The following CROT variants were observed in gnomAD, a reference collection of about 807,000 sequenced individuals.
The protein encoded by CROT is peroxisomal carnitine O-octanoyltransferase.
A neutral mutation model predicts 89.2 loss-of-function variants in CROT; 84 were observed. The ratio of observed to expected loss-of-function variants is 0.94; its 90% CI spans 0.79 to 1.13. CROT has a LOEUF of 1.13. Ranked by LOEUF, CROT falls within the 50% of genes most tolerant of loss-of-function variation. The pLI, the probability that CROT is intolerant of heterozygous loss-of-function variation, is 0.00. For missense variants in CROT, 711 were observed against 727.8 expected, an observed-to-expected ratio of 0.98 and a Z score of 0.27; for synonymous variants, 212 against 239.5, an observed-to-expected ratio of 0.89 and a Z score of 1.06.
intron 3 of CROT, among the ~76,000 whole-genome samples, chr7:87,353,085 T>C (rs549606518): frequency 5.9e-5 from 9 of 152,300 alleles, no homozygotes; most frequent in African/African-American, 2.2e-4. Flanking sequence ...GATTAGTTAA[T>C]AGCACTTGAT....
intron 13 of CROT, among the ~76,000 whole-genome samples, chr7:87,385,438 T>A (rs2116083163): frequency 6.6e-6 from 1 of 152,306 alleles, no homozygotes; most frequent in African/African-American, 2.4e-5. Context: ...AGGTATTTTA[T>A]ATTCTTTGTA....
intron 3 of CROT, among the ~76,000 whole-genome samples, chr7:87,351,641 A>G (rs751222778): frequency 3.9e-5 from 6 of 152,236 alleles, no homozygotes; most frequent in Non-Finnish European, 8.8e-5. Flanking sequence ...TTGGCTCACA[A>G]GAGTGTGCTG....
chr7:87,390,059 C>A (rs978584554), intron 13 of CROT, among the ~76,000 whole-genome samples: 1 of 152,066 alleles, frequency 6.6e-6, no homozygotes, highest in African/African-American at 2.4e-5. Flanking sequence ...GGTCATTTAT[C>A]CTGTAGAGTT....
chr7:87,357,843 A>G lies in CROT; in HGVS notation c.116-1363A>G, dbSNP rs567457361. Reference sequence around the variant, plus strand: ...CATTTTAGTGTGTAAATACATCCAAACATAACTGTAATTATCTTGAAAACA... The same window carrying G: ...CATTTTAGTGTGTAAATACATCCAAGCATAACTGTAATTATCTTGAAAACA... On this transcript the variant is annotated intron_variant, in intron 3 of 17. Transcript: ENST00000331536. Among the ~76,000 whole-genome samples, 8 of 152,334 alleles carry G rather than the reference A, an allele frequency of 5.3e-5. No homozygotes were observed. In the South Asian group the frequency reaches 1.7e-3, roughly 32 times the overall value.
chr7:87,392,258 T>G (rs1807385212), intron 14 of CROT, among the ~76,000 whole-genome samples: 1 of 152,224 alleles, frequency 6.6e-6, no homozygotes, highest in Non-Finnish European at 1.5e-5. Flanking sequence ...TGCTTTATTG[T>G]CATTTTTAGT....
intron 15 of CROT, 40 bp downstream of exon 15, chr7:87,392,684 T>C (rs1807403989): frequency 1.9e-6 from 3 of 1,610,096 alleles, no homozygotes; most frequent in Non-Finnish European, 2.5e-6. Context: ...AAATCTCTCA[T>C]GGTGAAAAAT....
intron 7 of CROT, among the ~76,000 whole-genome samples, chr7:87,372,007 C>CAAAAAAAAAAAAAAAAAAAAAAA (rs61300907): frequency 8.1e-6 from 1 of 124,002 alleles, no homozygotes. Context: ...AAAAAAAAAA[C>CAAAAAAAAAAAAAAAAAAAAAAA]AAAAAAAAAA....
chr7:87,350,785 G>A (rs1026459526), intron 3 of CROT, among the ~76,000 whole-genome samples: 1 of 152,136 alleles, frequency 6.6e-6, no homozygotes. Flanking sequence ...ACCCCATGTT[G>A]TAGGTTTCAG....
intron 3 of CROT, among the ~76,000 whole-genome samples, chr7:87,358,071 A>G (rs1207031379): frequency 6.6e-6 from 1 of 152,290 alleles, no homozygotes; most frequent in South Asian, 2.1e-4. Context: ...TGCTTCCTTA[A>G]CAACACTGTT....
chr7:87,351,358 C>G (rs1467796657), intron 3 of CROT, among the ~76,000 whole-genome samples: 2 of 148,514 alleles, frequency 1.3e-5, no homozygotes, highest in East Asian at 4.0e-4. Flanking sequence ...GCATTTATCT[C>G]TTATAAACCA....
At chr7:87,398,452 A>G (rs1807623267) in intron 17 of CROT, 72 bp from the exon 18 acceptor site, 16 of 1,554,602 alleles carry the variant, frequency 1.0e-5, no homozygotes, top group East Asian at 6.7e-5. Context: ...GATGAAATAA[A>G]GTCCTGGTTG....
intron 7 of CROT, among the ~76,000 whole-genome samples, chr7:87,371,925 T>C (rs1240834942): frequency 6.8e-6 from 1 of 147,956 alleles, no homozygotes; most frequent in African/African-American, 2.5e-5. Flanking sequence ...GCCCAGGAGG[T>C]CGAGGCTGCA....
intron 2 of CROT, among the ~76,000 whole-genome samples, chr7:87,347,473 A>C (rs372440781): frequency 1.1e-4 from 16 of 152,236 alleles, no homozygotes; most frequent in African/African-American, 3.6e-4. Flanking sequence ...AAAGTGGCAG[A>C]GTCTGTACTT....
chr7:87,380,689 G>A (rs879045098), intron 10 of CROT, among the ~76,000 whole-genome samples: 1 of 152,180 alleles, frequency 6.6e-6, no homozygotes, highest in Non-Finnish European at 1.5e-5. Flanking sequence ...GAGATTATTA[G>A]CTTTCCATTA....
chr7:87,354,473 G>GT, intron 3 of CROT: 1 of 489,040 alleles, frequency 2.0e-6, no homozygotes, highest in Non-Finnish European at 4.1e-6. Flanking sequence ...AACAGCATTA[G>GT]TTTTTTGATT....
chr7:87,363,280 A>C (rs750077974), intron 6 of CROT, among the ~76,000 whole-genome samples: 1 of 152,202 alleles, frequency 6.6e-6, no homozygotes, highest in Non-Finnish European at 1.5e-5. Flanking sequence ...ATGTAGAGAT[A>C]GGGATAAAGT....
chr7:87,360,495 C>A (rs1468536302), intron 4 of CROT, among the ~76,000 whole-genome samples: 1 of 152,096 alleles, frequency 6.6e-6, no homozygotes, highest in Non-Finnish European at 1.5e-5. Context: ...TGCGCACCAC[C>A]ACACCCAACT....
intron 13 of CROT, among the ~76,000 whole-genome samples, chr7:87,383,366 GTCTT>G (rs1188324146): frequency 2.0e-5 from 3 of 151,778 alleles, no homozygotes; most frequent in Admixed American, 6.6e-5. Context: ...TGCAGTATTT[GTCTT>G]TCTATTTCTG....
intron 3 of CROT, among the ~76,000 whole-genome samples, chr7:87,357,130 G>GTGAA (rs1263657892): frequency 1.3e-5 from 2 of 152,194 alleles, no homozygotes; most frequent in Non-Finnish European, 2.9e-5. Context: ...AGTGTGGAAA[G>GTGAA]TGAATGCAGT....
Sources: allele counts gnomAD v4.1 joint callset (sites outside exome capture counted in the v4.1 genomes callset), GRCh38; gene constraint gnomAD v4.1.1; transcripts MANE v1.5; gene names NCBI Gene and HGNC (gene_info 2026-07-23, HGNC 2026-07-21).